WWOX: variants seen among roughly 807,000 people sequenced by gnomAD.
WWOX encodes WW domain-containing oxidoreductase.
In WWOX, 69 loss-of-function variants were observed where a neutral mutation model predicts 46.2. That is an observed-to-expected ratio of 1.49 (90% CI 1.23 to 1.82). WWOX has a LOEUF of 1.82. Ranked by LOEUF, WWOX falls within the 40% of genes most tolerant of loss-of-function variation. The probability of loss-of-function intolerance (pLI) is 0.00; values close to 1 mark genes in which losing one functional copy is unlikely to be tolerated. For missense variants in WWOX, 919 were observed against 542.6 expected, an observed-to-expected ratio of 1.69 and a Z score of -6.89; for synonymous variants, 359 against 202.6, an observed-to-expected ratio of 1.77 and a Z score of -6.56.
intron 5 of WWOX, among the ~76,000 whole-genome samples, chr16:78,299,398 C>T (rs928108912): frequency 1.3e-4 from 20 of 152,198 alleles, no homozygotes; most frequent in East Asian, 9.6e-4. Flanking sequence ...TGAAAACAAC[C>T]AAGAATAGTT....
At chr16:78,419,625 C>CAAAAAA (rs60762734) in intron 6 of WWOX, among the ~76,000 whole-genome samples, 3 of 44,688 alleles carry the variant, frequency 6.7e-5, no homozygotes, top group Admixed American at 2.7e-4. Context: ...CAAAAAATAG[C>CAAAAAA]AAAAAAAAAA....
Position 78,833,103 on chromosome 16 carries a change from A to G in WWOX, c.1057-378505A>G, listed in dbSNP as rs2051876917. ...TTTGCCCAGGCTGCAGTGCAGTGGT[A>G]CAATCAGAGATCACTGCAGCCTCCA... On this transcript the variant is annotated intron_variant, in intron 8 of 8. Transcript: ENST00000566780. 2.0e-5 allele frequency among the ~76,000 whole-genome samples: 3 copies of G among 150,318 alleles called. No individual in the cohort carries two copies. In the East Asian group the frequency reaches 6.0e-4, roughly 30 times the overall value.
intron 8 of WWOX, among the ~76,000 whole-genome samples, chr16:78,589,486 CTCA>C (rs1300452589): frequency 6.6e-6 from 1 of 152,102 alleles, no homozygotes; most frequent in African/African-American, 2.4e-5. Flanking sequence ...CACTCTTTTC[CTCA>C]TCATCTCAGC....
intron 6 of WWOX, among the ~76,000 whole-genome samples, chr16:78,423,172 G>C (rs542449714): frequency 7.9e-5 from 12 of 151,992 alleles, no homozygotes; most frequent in Admixed American, 7.2e-4. Context: ...GGCGTGAGCC[G>C]CCATGCCTGC....
chr16:78,334,108 TCA>T (rs2080823828), intron 5 of WWOX, among the ~76,000 whole-genome samples: 1 of 152,208 alleles, frequency 6.6e-6, no homozygotes, highest in African/African-American at 2.4e-5. Context: ...CCCCCTTTAC[TCA>T]CACTATAAAA....
At chr16:79,035,826 T>G (rs116368277) in intron 8 of WWOX, among the ~76,000 whole-genome samples, 1,678 of 152,316 alleles carry the variant, frequency 0.011, 30 homozygotes, top group African/African-American at 0.037. Flanking sequence ...AAGTTGGTGC[T>G]GTGAACAGGG....
intron 8 of WWOX, among the ~76,000 whole-genome samples, chr16:78,599,386 A>C (rs2045568286): frequency 6.6e-6 from 1 of 152,088 alleles, no homozygotes; most frequent in African/African-American, 2.4e-5. Flanking sequence ...TGGGAAGGAA[A>C]CCAAAGGGCC....
chr16:78,766,055 A>G (rs1233669040), intron 8 of WWOX, among the ~76,000 whole-genome samples: 1 of 152,232 alleles, frequency 6.6e-6, no homozygotes, highest in Admixed American at 6.5e-5. Flanking sequence ...CACAGATGAC[A>G]TGAGCAGTTC....
intron 5 of WWOX, among the ~76,000 whole-genome samples, chr16:78,201,110 T>C (rs144166012): frequency 6.6e-6 from 1 of 152,332 alleles, no homozygotes; most frequent in East Asian, 1.9e-4. Flanking sequence ...CTGTACTATT[T>C]GGAAACACCT....
chr16:78,850,493 A>G (rs1170139688), intron 8 of WWOX, among the ~76,000 whole-genome samples: 1 of 152,226 alleles, frequency 6.6e-6, no homozygotes, highest in Non-Finnish European at 1.5e-5. Context: ...CTGGGAATTT[A>G]TACCGTTTAT....
chr16:78,309,698 T>A (rs2080203319), intron 5 of WWOX, among the ~76,000 whole-genome samples: 1 of 152,212 alleles, frequency 6.6e-6, no homozygotes, highest in African/African-American at 2.4e-5. Context: ...TTTTAGAGTT[T>A]CACTCTTTCA....
intron 8 of WWOX, among the ~76,000 whole-genome samples, chr16:79,076,005 G>A (rs933361941): frequency 5.3e-5 from 8 of 152,130 alleles, no homozygotes; most frequent in African/African-American, 1.9e-4. Context: ...TTGTTGAAGT[G>A]GGGTTTTTTT....
intron 5 of WWOX, among the ~76,000 whole-genome samples, chr16:78,362,696 G>A (rs1355672236): frequency 6.6e-6 from 1 of 152,138 alleles, no homozygotes; most frequent in African/African-American, 2.4e-5. Flanking sequence ...ACTGGACGGG[G>A]CTTGGAGGGT....
At chr16:78,234,509 T>C (rs2037373651) in intron 5 of WWOX, among the ~76,000 whole-genome samples, 2 of 152,182 alleles carry the variant, frequency 1.3e-5, no homozygotes, top group South Asian at 4.1e-4. Context: ...CAGCCAGATT[T>C]CTATTCTGAT....
chr16:78,937,288 A>C (rs564045433), intron 8 of WWOX, among the ~76,000 whole-genome samples: 1 of 152,100 alleles, frequency 6.6e-6, no homozygotes, highest in South Asian at 2.1e-4. Flanking sequence ...GTTTACCCTG[A>C]TTCTCCAATA....
At chr16:78,941,068 T>C (rs1208933350) in intron 8 of WWOX, among the ~76,000 whole-genome samples, 1 of 152,120 alleles carries the variant, frequency 6.6e-6, no homozygotes, top group Admixed American at 6.6e-5. Flanking sequence ...CACTGAAGTT[T>C]ATGATTGGTC....
chr16:79,007,667 A>C (rs888755444), intron 8 of WWOX, among the ~76,000 whole-genome samples: 1 of 152,228 alleles, frequency 6.6e-6, no homozygotes, highest in Non-Finnish European at 1.5e-5. Flanking sequence ...TAAGGAAAGC[A>C]CTGTTATCAG....
At chr16:78,438,494 A>C (rs936192354) in intron 8 of WWOX, among the ~76,000 whole-genome samples, 1 of 151,938 alleles carries the variant, frequency 6.6e-6, no homozygotes, top group Non-Finnish European at 1.5e-5. Context: ...ATTTCTGGTA[A>C]ATACATCCTT....
chr16:78,685,096 T>C (rs1328682671), intron 8 of WWOX, among the ~76,000 whole-genome samples: 1 of 152,168 alleles, frequency 6.6e-6, no homozygotes, highest in Non-Finnish European at 1.5e-5. Context: ...TGCTTTTCAG[T>C]CTACTGGTAT....
Sources: gnomAD v4.1 joint callset for allele counts (sites outside exome capture counted in the v4.1 genomes callset) on GRCh38, gnomAD v4.1.1 for gene constraint, MANE v1.5 for transcripts, NCBI Gene and HGNC (gene_info 2026-07-23, HGNC 2026-07-21) for gene names.